Variants in LRPPRC observed in about 807,000 individuals in gnomAD.
The protein encoded by LRPPRC is leucine rich pentatricopeptide repeat containing.
Under a neutral mutation model 180.3 loss-of-function variants are expected in LRPPRC, and 120 were observed. The observed-to-expected ratio is 0.67, with a 90% CI of 0.57 to 0.77. The LOEUF is 0.77. Ranked by LOEUF, LRPPRC falls within the 30% of genes least tolerant of loss-of-function variation. The probability of loss-of-function intolerance (pLI) is 0.00; values close to 1 mark genes in which losing one functional copy is unlikely to be tolerated. For missense variants in LRPPRC, 2,012 were observed against 1,657.2 expected (o/e 1.21, Z -3.72); for synonymous variants, 723 against 600.0 (o/e 1.21, Z -3.00).
At chr2:43,915,385 G>A (rs1455888738) in intron 29 of LRPPRC, among the ~76,000 whole-genome samples, 1 of 151,688 alleles carries the variant, frequency 6.6e-6, no homozygotes, top group Non-Finnish European at 1.5e-5. Flanking sequence ...ATGCAGCAAA[G>A]GAAAATGCCT....
Position 43,925,968 on chromosome 2 carries a change from A to C in LRPPRC, c.2737-7T>G, listed in dbSNP as rs774474543. 6 of 1,573,192 alleles carry C rather than the reference A, an allele frequency of 3.8e-6. No homozygotes were observed. The South Asian group carries it at 5.5e-5, about 15-fold the overall frequency. ...GAGCTCTAATCCCTGGAGTCTGTAA[A>C]ATAAAATAATCACATAGCACCCAAG... is the stretch of plus-strand genomic sequence containing the variant. On this transcript the variant is annotated splice_region_variant and splice_polypyrimidine_tract_variant and intron_variant, in intron 25 of 37. Transcript: ENST00000260665.
intron 23 of LRPPRC, among the ~76,000 whole-genome samples, chr2:43,940,962 T>C (rs544117768): frequency 3.8e-4 from 58 of 152,304 alleles, no homozygotes; most frequent in African/African-American, 1.4e-3. Context: ...TTAGAGACTG[T>C]AATGTAATGT....
chr2:43,944,528 T>TA (rs1432047822), intron 22 of LRPPRC, among the ~76,000 whole-genome samples: 2 of 152,134 alleles, frequency 1.3e-5, no homozygotes, highest in South Asian at 4.1e-4. Flanking sequence ...AAAGTGATTT[T>TA]AAAAAAATAG....
At chr2:43,961,941 C>T (rs536165689) in intron 12 of LRPPRC, among the ~76,000 whole-genome samples, 12 of 152,094 alleles carry the variant, frequency 7.9e-5, no homozygotes, top group South Asian at 4.2e-4. Flanking sequence ...CTAGCCTGGG[C>T]GACAGAGCAA....
intron 13 of LRPPRC, chr2:43,959,339 C>T (rs1357377796): frequency 1.3e-5 from 8 of 621,308 alleles, no homozygotes; most frequent in Non-Finnish European, 2.0e-5. Flanking sequence ...GGACACTTTG[C>T]CTTTCCCTTA....
chr2:43,918,789 AT>A (rs1671575994), intron 27 of LRPPRC, among the ~76,000 whole-genome samples: 1 of 26,148 alleles, frequency 3.8e-5, no homozygotes, highest in Non-Finnish European at 5.7e-5. Flanking sequence ...ATATATATAT[AT>A]AGATATATAT....
At chr2:43,897,221 TAAA>T (rs1042070337) in intron 34 of LRPPRC, among the ~76,000 whole-genome samples, 1 of 152,090 alleles carries the variant, frequency 6.6e-6, no homozygotes, top group Non-Finnish European at 1.5e-5. Context: ...CTCTATTTTA[TAAA>T]AGGCTTTCAC....
At chr2:43,934,549 A>T (rs1672203606) in intron 24 of LRPPRC, among the ~76,000 whole-genome samples, 1 of 152,042 alleles carries the variant, frequency 6.6e-6, no homozygotes, top group South Asian at 2.1e-4. Context: ...AATAACAGAC[A>T]TTTTTTCAAA....
chr2:43,943,650 A>G, intron 23 of LRPPRC, 37 bp downstream of exon 23: 1 of 1,530,034 alleles, frequency 6.5e-7, no homozygotes. Context: ...CATTCTTTTA[A>G]TGCCAACATT....
At chr2:43,990,874 C>A (rs1277293351) in intron 1 of LRPPRC, among the ~76,000 whole-genome samples, 1 of 144,476 alleles carries the variant, frequency 6.9e-6, no homozygotes, top group African/African-American at 2.6e-5. Flanking sequence ...GAGATGGAGT[C>A]TCGCTTCGTA....
intron 29 of LRPPRC, among the ~76,000 whole-genome samples, chr2:43,915,104 C>T (rs1432146866): frequency 6.7e-6 from 1 of 148,986 alleles, no homozygotes; most frequent in African/African-American, 2.5e-5. Context: ...GTGGTGGGTG[C>T]CTATAATCCC....
chr2:43,990,079 C>T (rs746871402), intron 1 of LRPPRC, among the ~76,000 whole-genome samples: 93 of 152,078 alleles, frequency 6.1e-4, no homozygotes, highest in Non-Finnish European at 1.1e-3. Context: ...ATTAGCCAGG[C>T]ATGGTGGCAT....
Position 43,946,171 on chromosome 2 carries a change from T to C in LRPPRC, c.2152A>G (p.Ile718Val). The stretch of plus-strand genomic sequence containing the variant: ...TTATCATGTCGACAGCATAAATTTA[T>C]TAAAGCTGCATAGCCACCAGTAACC... ...DMVTGGYAAL[I>V]NLCCRHDKVE... is the part of the protein sequence containing the mutation. Residue 718 changes from isoleucine (I) to valine (V), a missense_variant, in exon 21 of 38, where the codon ATA (isoleucine) becomes GTA (valine). Ile to Val is a conservative substitution (Grantham distance 29). Transcript: ENST00000260665. 6 of 1,612,134 alleles carry C rather than the reference T, an allele frequency of 3.7e-6. No individual in the cohort carries two copies. The highest frequency in any genetic ancestry group is 5.1e-6 in the Non-Finnish European group (6 of 1,178,408).
chr2:43,888,796 C>T (rs1386393047), intron 37 of LRPPRC, 140 bp from the exon 38 acceptor site: 1 of 649,026 alleles, frequency 1.5e-6, no homozygotes, highest in African/African-American at 1.8e-5. Context: ...AGCTTCAGTA[C>T]TCCTTCCTTG....
At chr2:43,948,811 G>A (rs1312076988) in intron 16 of LRPPRC, among the ~76,000 whole-genome samples, 1 of 151,730 alleles carries the variant, frequency 6.6e-6, no homozygotes, top group African/African-American at 2.4e-5. Context: ...CCTGCCCAAG[G>A]CCTTACCCCT....
intron 30 of LRPPRC, among the ~76,000 whole-genome samples, 183 bp downstream of exon 30, chr2:43,912,249 G>A (rs1438532937): frequency 6.6e-6 from 1 of 152,180 alleles, no homozygotes; most frequent in African/African-American, 2.4e-5. Context: ...GGCCAGTAAA[G>A]GTGTTTTTTT....
chr2:43,902,669 T>C (rs1399930898), intron 31 of LRPPRC: 1 of 152,072 alleles, frequency 6.6e-6, no homozygotes, highest in Non-Finnish European at 1.5e-5. Flanking sequence ...AATTTAAAAA[T>C]ACACATGCAC....
chr2:43,950,063 A>G (rs928443423), intron 15 of LRPPRC, among the ~76,000 whole-genome samples: 17 of 152,300 alleles, frequency 1.1e-4, no homozygotes, highest in African/African-American at 3.8e-4. Flanking sequence ...ATTTTATATT[A>G]AGTTTTACTG....
At chr2:43,980,065 G>A (rs1342451679) in intron 2 of LRPPRC, 117 bp from the exon 3 acceptor site, 1 of 977,208 alleles carries the variant, frequency 1.0e-6, no homozygotes, top group Non-Finnish European at 1.6e-6. Flanking sequence ...CAAACTGAGA[G>A]TAACCATAAA....
Sources: allele counts gnomAD v4.1 joint callset (sites outside exome capture counted in the v4.1 genomes callset), GRCh38; gene constraint gnomAD v4.1.1; transcripts MANE v1.5; gene names NCBI Gene and HGNC (gene_info 2026-07-23, HGNC 2026-07-21).